The following TRIP12 variants were observed in gnomAD, a reference collection of about 807,000 sequenced individuals.
The protein encoded by TRIP12 is thyroid hormone receptor interactor 12.
Under a neutral mutation model 244.2 loss-of-function variants are expected in TRIP12, and 25 were observed. That is an observed-to-expected ratio of 0.10 (90% CI 0.07 to 0.14). The LOEUF is 0.14. TRIP12 is among the 10% of genes least tolerant of loss of function. TRIP12 has a pLI of 1.00. For synonymous variants in TRIP12, 905 were observed against 873.1 expected (o/e 1.04, Z -0.64); for missense variants, 1,677 against 2,486.4 (o/e 0.67, Z 6.92).
chr2:229,788,471 A>G (rs1015244189), intron 32 of TRIP12, among the ~76,000 whole-genome samples: 1 of 152,234 alleles, frequency 6.6e-6, no homozygotes, highest in African/African-American at 2.4e-5. Context: ...GCAGTTCTAG[A>G]GTCCCTGACC....
intron 4 of TRIP12, among the ~76,000 whole-genome samples, chr2:229,843,702 G>A (rs1428113407): frequency 6.6e-6 from 1 of 152,160 alleles, no homozygotes; most frequent in African/African-American, 2.4e-5. Flanking sequence ...AACACTGTAA[G>A]ACCCTGTGTC....
chr2:229,814,096 T>C (rs961763943), intron 12 of TRIP12, 65 bp from the exon 13 acceptor site: 1 of 1,513,850 alleles, frequency 6.6e-7, no homozygotes, highest in African/African-American at 1.4e-5. Context: ...ATAATTTAAC[T>C]CATAAAAAGT....
At chr2:229,837,223 T>C (rs539862431) in intron 5 of TRIP12, among the ~76,000 whole-genome samples, 1 of 152,330 alleles carries the variant, frequency 6.6e-6, no homozygotes, top group South Asian at 2.1e-4. Flanking sequence ...GTTGTCATCC[T>C]CAGAAACAGA....
chr2:229,918,095 C>T (rs2085763749), intron 1 of TRIP12, among the ~76,000 whole-genome samples: 1 of 152,178 alleles, frequency 6.6e-6, no homozygotes, highest in Admixed American at 6.5e-5. Context: ...TACTGTAATG[C>T]AGAAACGAAG....
At chr2:229,793,537 A>G (rs1411163960) in intron 26 of TRIP12, among the ~76,000 whole-genome samples, 1 of 144,756 alleles carries the variant, frequency 6.9e-6, no homozygotes, top group Non-Finnish European at 1.5e-5. Context: ...TTTTAAAAAG[A>G]AAAAAAAAAC....
intron 34 of TRIP12, among the ~76,000 whole-genome samples, chr2:229,780,635 G>C (rs963492167): frequency 4.7e-5 from 7 of 148,788 alleles, no homozygotes; most frequent in African/African-American, 1.7e-4. Context: ...AACAGGCTAG[G>C]AACACTGCTT....
chr2:229,904,459 A>G (rs1467198121), intron 1 of TRIP12, among the ~76,000 whole-genome samples: 1 of 151,408 alleles, frequency 6.6e-6, no homozygotes, highest in Non-Finnish European at 1.5e-5. Flanking sequence ...ACAAAAAGGG[A>G]AAGATTTTAA....
chr2:229,839,056 T>G (rs1178361531), intron 5 of TRIP12, among the ~76,000 whole-genome samples: 2 of 152,190 alleles, frequency 1.3e-5, no homozygotes, highest in Admixed American at 1.3e-4. Context: ...CAAGCTACAG[T>G]CATGTGCTGC....
In TRIP12 at chr2:229,805,575, A is replaced by G. The variant is rs575532028; in HGVS notation, c.2650+155T>C. ...CCAGTTAATACTGGCTCACTCATCCATTAATGGACATGATTTAAAAAATCG... is the reference window on the plus strand; with the variant it reads ...CCAGTTAATACTGGCTCACTCATCCGTTAATGGACATGATTTAAAAAATCG... On this transcript the variant is annotated intron_variant, in intron 18 of 41. Coordinates refer to ENST00000675903, the MANE Select transcript of TRIP12 (RefSeq NM_001348323.3). 2.0e-5 allele frequency among the ~76,000 whole-genome samples: 3 copies of G among 152,362 alleles called. No homozygotes were observed. In the South Asian group the frequency reaches 6.2e-4, roughly 32 times the overall value.
chr2:229,904,994 G>T (rs1453475333), intron 1 of TRIP12, among the ~76,000 whole-genome samples: 3 of 152,160 alleles, frequency 2.0e-5, no homozygotes, highest in African/African-American at 4.8e-5. Flanking sequence ...GTGTGTTTAG[G>T]CCGGGTGCGC....
At chr2:229,842,721 CT>C (rs1197287968) in intron 4 of TRIP12, among the ~76,000 whole-genome samples, 2 of 152,246 alleles carry the variant, frequency 1.3e-5, no homozygotes, top group Non-Finnish European at 2.9e-5. Context: ...GTAGCACACA[CT>C]TTTGCATCTA....
chr2:229,851,276 G>A (rs1408490165), intron 4 of TRIP12, among the ~76,000 whole-genome samples: 1 of 152,084 alleles, frequency 6.6e-6, no homozygotes, highest in Admixed American at 6.5e-5. Context: ...ACACCAATCC[G>A]CACCCTGTGT....
At chr2:229,884,451 G>T (rs867362375) in intron 1 of TRIP12, among the ~76,000 whole-genome samples, 4 of 151,794 alleles carry the variant, frequency 2.6e-5, no homozygotes, top group Admixed American at 2.6e-4. Flanking sequence ...TGGCCAGGCT[G>T]GTCTTGAACT....
chr2:229,822,197 T>C (rs534041252), intron 8 of TRIP12, among the ~76,000 whole-genome samples: 1 of 152,306 alleles, frequency 6.6e-6, no homozygotes, highest in African/African-American at 2.4e-5. Flanking sequence ...GAAGTTTTGA[T>C]AAGATAGAAG....
At chr2:229,818,854 C>T (rs1257383246) in intron 8 of TRIP12, among the ~76,000 whole-genome samples, 2 of 152,076 alleles carry the variant, frequency 1.3e-5, no homozygotes, top group Non-Finnish European at 2.9e-5. Flanking sequence ...TGAGCAAAGG[C>T]TTGCTACAAT....
Position 229,778,764 on chromosome 2 carries a change from A to C in TRIP12, c.5209+112T>G. The C allele has an allele frequency of 1.3e-5, 18 of 1,345,982 alleles. No homozygotes were observed. Among genetic ancestry groups the C allele is most frequent in the Non-Finnish European group, 1.9e-5 (18 of 969,166 alleles). 83.4% of individuals were successfully genotyped at this position (1,345,982 alleles called of 1,614,324 possible). A position where few individuals can be genotyped will look rare whatever the true frequency, so the allele number is the denominator to read the frequency against. On this transcript the variant is annotated intron_variant, in intron 35 of 41. Transcript: ENST00000675903. The surrounding 1 kb of genome is among the most constrained non-coding windows in gnomAD (Gnocchi z 4.1). ...TTTGATAAATGAGAAAACAGAGGCT[A>C]AAAGAAAGCAAGTACAGCTGTCCAT... is the stretch of plus-strand genomic sequence containing the variant.
intron 2 of TRIP12, among the ~76,000 whole-genome samples, chr2:229,868,360 C>A (rs1446977129): frequency 6.6e-6 from 1 of 152,112 alleles, no homozygotes; most frequent in East Asian, 1.9e-4. Context: ...TACGACCACA[C>A]CTGGCTAATT....
intron 41 of TRIP12, 93 bp from the exon 42 acceptor site, chr2:229,767,843 A>G: frequency 5.6e-6 from 7 of 1,238,944 alleles, no homozygotes; most frequent in Non-Finnish European, 6.6e-6. Context: ...ACAATATTAC[A>G]CACAAGATAT....
At chr2:229,768,246 G>C (rs1272866067) in intron 41 of TRIP12, among the ~76,000 whole-genome samples, 2 of 152,134 alleles carry the variant, frequency 1.3e-5, no homozygotes, top group African/African-American at 4.8e-5. Context: ...TGGGTGACAA[G>C]AGTGAGATCC....
Sources: allele counts gnomAD v4.1 joint callset (sites outside exome capture counted in the v4.1 genomes callset), GRCh38; gene constraint gnomAD v4.1.1; non-coding constraint Gnocchi (gnomAD v3.1); transcripts MANE v1.5; gene names NCBI Gene and HGNC (gene_info 2026-07-23, HGNC 2026-07-21).